XKR6: variants seen among roughly 807,000 people sequenced by gnomAD.
The protein encoded by XKR6 is XK related 6, also known as XK-related protein 6.
A neutral mutation model predicts 56.7 loss-of-function variants in XKR6; 22 were observed. The ratio of observed to expected loss-of-function variants is 0.39; its 90% CI spans 0.28 to 0.55. The LOEUF is 0.55. Among genes scored for constraint, XKR6 ranks in the 20% least tolerant of loss-of-function variants. The pLI, the probability that XKR6 is intolerant of heterozygous loss-of-function variation, is 0.66. For synonymous variants in XKR6, 524 were observed against 387.8 expected (o/e 1.35, Z -4.13); for missense variants, 852 against 889.0 (o/e 0.96, Z 0.53).
intron 1 of XKR6, among the ~76,000 whole-genome samples, chr8:11,174,710 C>T (rs1323470001): frequency 2.0e-5 from 3 of 152,162 alleles, no homozygotes; most frequent in Non-Finnish European, 4.4e-5. Context: ...CGCTCAGTTA[C>T]AGGACAGATG....
At chr8:11,149,019 G>A (rs1206835802) in intron 1 of XKR6, among the ~76,000 whole-genome samples, 1 of 152,194 alleles carries the variant, frequency 6.6e-6, no homozygotes, top group Non-Finnish European at 1.5e-5. Flanking sequence ...AGGGATGACA[G>A]GGAGGGGATT....
At position 11,201,255 on chromosome 8, in the gene XKR6, C is replaced by G. The variant is rs753589511; in HGVS notation, c.85G>C (p.Glu29Gln). 18 of 1,567,758 alleles carry G rather than the reference C, an allele frequency of 1.1e-5. No individual in the cohort carries two copies. Among genetic ancestry groups the G allele is most frequent in the Admixed American group, 1.8e-5 (1 of 57,008 alleles). ...NLDEAVGSGG[E>Q]EDGEPGGGGC... ...CCTCCCCCGGGCTCCCCGTCCTCCT[C>G]GCCGCCGCTGCCCACCGCCTCGTCC... The change falls in exon 1 of 3, where the codon GAG becomes CAG. Residue 29 changes from glutamate to glutamine, a missense_variant. Physicochemically the swap from Glu to Gln is conservative, Grantham distance 29. Around this residue, in one of 4 missense-constraint regions of XKR6, gnomAD observed 417 missense variants for 355.2 expected, o/e 1.17. Transcript: ENST00000416569.
chr8:11,110,459 T>A (rs938832834), intron 1 of XKR6, among the ~76,000 whole-genome samples: 4 of 152,180 alleles, frequency 2.6e-5, no homozygotes, highest in Non-Finnish European at 5.9e-5. Flanking sequence ...TACTGGATAA[T>A]CCACCAACCA....
chr8:11,126,255 G>A (rs545646572), intron 1 of XKR6, among the ~76,000 whole-genome samples: 260 of 152,048 alleles, frequency 1.7e-3, no homozygotes, highest in African/African-American at 6.0e-3. Flanking sequence ...TTTTAGTAAA[G>A]ACGGGGTTCA....
intron 1 of XKR6, among the ~76,000 whole-genome samples, chr8:11,041,252 C>T (rs1194324562): frequency 6.6e-6 from 1 of 152,070 alleles, no homozygotes; most frequent in Non-Finnish European, 1.5e-5. Flanking sequence ...CAGAACAAAA[C>T]ATTGTGCAAA....
At chr8:11,030,555 G>A (rs1249545192) in intron 1 of XKR6, among the ~76,000 whole-genome samples, 1 of 152,146 alleles carries the variant, frequency 6.6e-6, no homozygotes, top group Non-Finnish European at 1.5e-5. Context: ...AATCTAGCAT[G>A]TGCCCGAGTG....
chr8:11,113,563 T>G (rs1179545837), intron 1 of XKR6, among the ~76,000 whole-genome samples: 3 of 152,200 alleles, frequency 2.0e-5, no homozygotes, highest in African/African-American at 7.2e-5. Flanking sequence ...ATTACAATTC[T>G]TTAACATAGA....
intron 1 of XKR6, among the ~76,000 whole-genome samples, chr8:11,003,316 C>G (rs940542819): frequency 6.6e-6 from 1 of 152,044 alleles, no homozygotes; most frequent in Admixed American, 6.6e-5. Flanking sequence ...CCACCATCAC[C>G]ACCACCACCA....
chr8:11,171,977 C>T (rs530507500), intron 1 of XKR6, among the ~76,000 whole-genome samples: 2 of 151,764 alleles, frequency 1.3e-5, no homozygotes, highest in African/African-American at 2.4e-5. Flanking sequence ...CGCTTGAACC[C>T]GGGAGGCACA....
Position 10,991,991 on chromosome 8 carries a change from A to G in XKR6, c.765-67161T>C, listed in dbSNP as rs144704448. 3.6e-3 allele frequency among the ~76,000 whole-genome samples: 553 copies of G among 152,296 alleles called. 2 individuals carry two copies. Among genetic ancestry groups the G allele is most frequent in the African/African-American group, 0.012 (510 of 41,576 alleles). On this transcript the variant is annotated intron_variant, in intron 1 of 2. Coordinates refer to ENST00000416569, the MANE Select transcript of XKR6 (RefSeq NM_173683.4). ...ACATTCTAACTTCCTGTCTATATAC[A>G]GGTGGCCAACAACAGATGTCATGAG...
At chr8:11,121,583 G>T (rs568962407) in intron 1 of XKR6, among the ~76,000 whole-genome samples, 106 of 152,182 alleles carry the variant, frequency 7.0e-4, no homozygotes, top group Non-Finnish European at 1.3e-3. Context: ...TTACACTGTT[G>T]GTGGGACTGT....
intron 1 of XKR6, among the ~76,000 whole-genome samples, chr8:11,111,362 C>G (rs1201077188): frequency 6.6e-6 from 1 of 152,124 alleles, no homozygotes; most frequent in Non-Finnish European, 1.5e-5. Flanking sequence ...ATAGTAACGT[C>G]TCATTTTAAA....
chr8:10,920,894 A>T (rs1586307167), intron 2 of XKR6, among the ~76,000 whole-genome samples: 1 of 152,358 alleles, frequency 6.6e-6, no homozygotes, highest in Non-Finnish European at 1.5e-5. Context: ...ATTGAGAAAC[A>T]CCCATTCCAC....
In XKR6 at chr8:11,114,136, G is replaced by T. The variant is rs556996446; in HGVS notation, c.764+86440C>A. ...GTGAATGAACAAATGAGCATGGAAT[G>T]AAATCTCTAACATGACACTAAAATA... On this transcript the variant is annotated intron_variant, in intron 1 of 2. Transcript: ENST00000416569. The T allele has an allele frequency of 9.6e-5, 40 of 417,644 alleles. No individual in the cohort carries two copies. In the East Asian group the frequency reaches 2.3e-3, roughly 24 times the overall value. The allele number at this position is 417,644 out of a possible 1,614,324, so 25.9% of individuals were successfully genotyped here. A position where few individuals can be genotyped will look rare whatever the true frequency, so the allele number is the denominator to read the frequency against.
Position 11,201,348 on chromosome 8 carries a change from T to G in XKR6, c.-9A>C, listed in dbSNP as rs752484382. 8.8e-7 allele frequency: 1 copy of G among 1,142,688 alleles called. No individual in the cohort carries two copies. Among genetic ancestry groups the G allele is most frequent in the Non-Finnish European group, 1.2e-6 (1 of 864,922 alleles). The allele number at this position is 1,142,688 out of a possible 1,614,324, so 70.8% of individuals were successfully genotyped here. On this transcript the variant is annotated 5_prime_UTR_variant, in exon 1 of 3. Coordinates refer to ENST00000416569, the MANE Select transcript of XKR6 (RefSeq NM_173683.4). The stretch of plus-strand genomic sequence containing the variant: ...TCGGATTTCGCCGCCATCTTGACTC[T>G]CTTCCCAGCTCCGGAGGTTGGGGGG...
rs191943836 is a variant in XKR6, at chr8:10,998,129, G to A, written c.765-73299C>T. On this transcript the variant is annotated intron_variant, in intron 1 of 2. Coordinates refer to ENST00000416569, the MANE Select transcript of XKR6 (RefSeq NM_173683.4). The stretch of plus-strand genomic sequence containing the variant: ...GGTCCAGCACTCACTTCTAAGATTC[G>A]CCAGCTTCCCCCGCCAGAGAGCGTC... 1.1e-4 allele frequency among the ~76,000 whole-genome samples: 16 copies of A among 152,036 alleles called. No individual in the cohort carries two copies. The East Asian group carries it at 1.7e-3, about 17-fold the overall frequency.
chr8:11,023,862 C>T (rs1258409120), intron 1 of XKR6, among the ~76,000 whole-genome samples: 1 of 152,196 alleles, frequency 6.6e-6, no homozygotes, highest in Non-Finnish European at 1.5e-5. Flanking sequence ...GTACGATGTC[C>T]TTCTCCAGCT....
At chr8:11,185,998 T>C (rs554508963) in intron 1 of XKR6, among the ~76,000 whole-genome samples, 4 of 152,312 alleles carry the variant, frequency 2.6e-5, no homozygotes, top group South Asian at 2.1e-4. Context: ...GCTTTTTATA[T>C]TTTTCGAGGG....
At chr8:11,014,783 T>G (rs1798581510) in intron 1 of XKR6, among the ~76,000 whole-genome samples, 1 of 151,998 alleles carries the variant, frequency 6.6e-6, no homozygotes, top group South Asian at 2.1e-4. Context: ...TCCCCAAACC[T>G]CAGCATCCCG....
Sources: gnomAD v4.1 joint callset for allele counts (sites outside exome capture counted in the v4.1 genomes callset) on GRCh38, gnomAD v4.1.1 for gene constraint, gnomAD v4.1.1 regional missense constraint, MANE v1.5 for transcripts, NCBI Gene and HGNC (gene_info 2026-07-23, HGNC 2026-07-21) for gene names.